Variants in RYR2 observed in about 807,000 individuals in gnomAD.
The protein encoded by RYR2 is cardiac muscle ryanodine receptor-calcium release channel.
A neutral mutation model predicts 601.1 loss-of-function variants in RYR2; 227 were observed. That is an observed-to-expected ratio of 0.38 (90% confidence interval 0.34 to 0.42). The LOEUF is 0.42. Among genes scored for constraint, RYR2 ranks in the 10% least tolerant of loss-of-function variants. RYR2 has a pLI of 1.00. For synonymous variants in RYR2, 2,223 were observed against 2,175.1 expected (o/e 1.02, Z -0.61); for missense variants, 4,646 against 6,156.5 (o/e 0.75, Z 8.21).
intron 1 of RYR2, among the ~76,000 whole-genome samples, chr1:237,264,515 T>A (rs1356923596): frequency 2.0e-5 from 3 of 152,128 alleles, no homozygotes; most frequent in Non-Finnish European, 4.4e-5. Flanking sequence ...AGTGGGCAAT[T>A]CAATGAAAGG....
chr1:237,756,856 G>A (rs748499652), intron 81 of RYR2, among the ~76,000 whole-genome samples: 1 of 152,180 alleles, frequency 6.6e-6, no homozygotes, highest in Non-Finnish European at 1.5e-5. Flanking sequence ...ACACACATAG[G>A]TGGCAAGCTG....
Position 237,602,124 on chromosome 1 carries a change from A to G in RYR2, c.4683+13A>G, listed in dbSNP as rs902933902. 4 of 1,589,042 alleles carry G rather than the reference A, an allele frequency of 2.5e-6. No individual in the cohort carries two copies. The highest frequency in any genetic ancestry group is 3.4e-6 in the Non-Finnish European group (4 of 1,160,400). On this transcript the variant is annotated intron_variant, in intron 35 of 104. Coordinates refer to ENST00000366574, the MANE Select transcript of RYR2 (RefSeq NM_001035.3). ...GGGAAGAATAAAGGTAATAAAACTT[A>G]TTCCTGGTATTGTATTTGTATTTTT...
intron 17 of RYR2, among the ~76,000 whole-genome samples, chr1:237,478,129 G>T (rs1000610787): frequency 6.6e-6 from 1 of 152,086 alleles, no homozygotes; most frequent in Non-Finnish European, 1.5e-5. Flanking sequence ...TCAAAAACAG[G>T]GTTCATCCCT....
At chr1:237,383,276 C>A (rs544122043) in intron 8 of RYR2, among the ~76,000 whole-genome samples, 1 of 152,028 alleles carries the variant, frequency 6.6e-6, no homozygotes, top group Non-Finnish European at 1.5e-5. Flanking sequence ...GGTGATTTAT[C>A]GTGTCCCTTC....
At chr1:237,179,373 A>ACTGTTCCACTGAACTCTTTATCTGCGTT (rs1362040953) in intron 1 of RYR2, among the ~76,000 whole-genome samples, 4 of 152,116 alleles carry the variant, frequency 2.6e-5, no homozygotes, top group Non-Finnish European at 5.9e-5. Flanking sequence ...TTTACCAAGA[A>ACTGTTCCACTGAACTCTTTATCTGCGTT]ATTCAGAAGT....
rs915843421 is a variant in RYR2 at position 237,214,850 on chromosome 1, T to C, written c.49-55647T>C. 5.3e-5 allele frequency among the ~76,000 whole-genome samples: 8 copies of C among 152,198 alleles called. No individual in the cohort carries two copies. In the South Asian group the frequency reaches 6.2e-4, roughly 12 times the overall value. On this transcript the variant is annotated intron_variant, in intron 1 of 104. Transcript: ENST00000366574. ...ACATTCATTGAATATATTTGCAAAA[T>C]TGATGTGAGAAATGTACTTGGAATT...
At chr1:237,367,335 A>C (rs1220427612) in intron 5 of RYR2, among the ~76,000 whole-genome samples, 1 of 151,852 alleles carries the variant, frequency 6.6e-6, no homozygotes, top group Non-Finnish European at 1.5e-5. Context: ...CACACGATCC[A>C]CCTGTCTTGG....
chr1:237,148,531 T>TATATATATATATATATATACACACAC (rs1558319989), intron 1 of RYR2, among the ~76,000 whole-genome samples: 14 of 77,562 alleles, frequency 1.8e-4, no homozygotes, highest in African/African-American at 8.1e-4. Flanking sequence ...AAAAAAAATA[T>TATATATATATATATATATACACACAC]ATATATATAT....
At chr1:237,693,585 T>C (rs1219033112) in intron 63 of RYR2, among the ~76,000 whole-genome samples, 1 of 152,184 alleles carries the variant, frequency 6.6e-6, no homozygotes, top group African/African-American at 2.4e-5. Context: ...TAGAACCCAA[T>C]GTATAACATC....
At chr1:237,482,143 G>A (rs1034101146) in intron 17 of RYR2, among the ~76,000 whole-genome samples, 2 of 152,088 alleles carry the variant, frequency 1.3e-5, no homozygotes, top group Non-Finnish European at 2.9e-5. Flanking sequence ...CATGGAGAAT[G>A]GGTTATCCAT....
intron 1 of RYR2, among the ~76,000 whole-genome samples, chr1:237,231,742 G>A (rs1685021563): frequency 6.6e-6 from 1 of 152,106 alleles, no homozygotes; most frequent in Non-Finnish European, 1.5e-5. Context: ...TGGCTGGTAG[G>A]GGGCTTAAGT....
At chr1:237,749,392 C>A (rs1421484289) in intron 80 of RYR2, among the ~76,000 whole-genome samples, 1 of 151,954 alleles carries the variant, frequency 6.6e-6, no homozygotes, top group African/African-American at 2.4e-5. Flanking sequence ...ATATAAGGCA[C>A]TCAGAACATT....
intron 1 of RYR2, among the ~76,000 whole-genome samples, chr1:237,158,192 C>G (rs1317195119): frequency 2.0e-5 from 3 of 152,080 alleles, no homozygotes; most frequent in Non-Finnish European, 4.4e-5. Flanking sequence ...CTTTCTCTTC[C>G]CATAGAAAGT....
chr1:237,604,500 C>T (rs1401874888), intron 35 of RYR2, among the ~76,000 whole-genome samples: 1 of 152,084 alleles, frequency 6.6e-6, no homozygotes, highest in Non-Finnish European at 1.5e-5. Context: ...CCTAACATCG[C>T]AATTCAAAGA....
At chr1:237,107,064 G>A (rs1352971939) in intron 1 of RYR2, among the ~76,000 whole-genome samples, 1 of 152,110 alleles carries the variant, frequency 6.6e-6, no homozygotes, top group Non-Finnish European at 1.5e-5. Context: ...CCATATGGGG[G>A]AAATAAAAGG....
chr1:237,124,504 G>A (rs1296595176), intron 1 of RYR2, among the ~76,000 whole-genome samples: 1 of 152,228 alleles, frequency 6.6e-6, no homozygotes. Flanking sequence ...AAATCAAGGT[G>A]TTGGCAGAAC....
At chr1:237,363,893 T>A (rs1178895794) in intron 4 of RYR2, among the ~76,000 whole-genome samples, 1 of 152,190 alleles carries the variant, frequency 6.6e-6, no homozygotes, top group Non-Finnish European at 1.5e-5. Flanking sequence ...GAGCCGCTCA[T>A]TGCAGCATAT....
At position 237,610,750 on chromosome 1, in the gene RYR2, C is replaced by G. The variant is rs750925576; in HGVS notation, c.4684-12C>G. On this transcript the variant is annotated splice_polypyrimidine_tract_variant and intron_variant, in intron 35 of 104. Coordinates refer to ENST00000366574, the MANE Select transcript of RYR2 (RefSeq NM_001035.3). This position sits in a 1 kb window ranked among gnomAD's most constrained non-coding sequence, Gnocchi z 4.9. ...TCTACATTTATTCTTTTTCTGCCTC[C>G]CCATCCGCTAGAATGTGATGCCTCT... The G allele has an allele frequency of 6.3e-7, 1 of 1,580,710 alleles. No individual in the cohort carries two copies. Among genetic ancestry groups the G allele is most frequent in the Admixed American group, 1.8e-5 (1 of 55,498 alleles).
chr1:237,164,765 T>C (rs936095185), intron 1 of RYR2, among the ~76,000 whole-genome samples: 1 of 152,160 alleles, frequency 6.6e-6, no homozygotes, highest in African/African-American at 2.4e-5. Flanking sequence ...TACAATCCAG[T>C]TCAGGCCAGA....
Sources: gnomAD v4.1 joint callset for allele counts (sites outside exome capture counted in the v4.1 genomes callset) on GRCh38, gnomAD v4.1.1 for gene constraint, Gnocchi (gnomAD v3.1) non-coding constraint, MANE v1.5 for transcripts, NCBI Gene and HGNC (gene_info 2026-07-23, HGNC 2026-07-21) for gene names.